Variants in THSD7A observed in about 807,000 individuals in gnomAD.
THSD7A encodes the protein thrombospondin type-1 domain-containing protein 7A.
A neutral mutation model predicts 231.3 loss-of-function variants in THSD7A; 96 were observed. That is an observed-to-expected ratio of 0.41 (90% CI 0.35 to 0.49). The LOEUF (loss-of-function observed/expected upper bound fraction) is 0.49, where lower values mean the gene tolerates loss of function less well. Among genes scored for constraint, THSD7A ranks in the 20% least tolerant of loss-of-function variants. The pLI is 0.05. For synonymous variants in THSD7A, 940 were observed against 743.3 expected (o/e 1.26, Z -4.30); for missense variants, 2,290 against 2,070.2 (o/e 1.11, Z -2.06).
intron 1 of THSD7A, among the ~76,000 whole-genome samples, chr7:11,661,783 T>G (rs952266832): frequency 2.6e-5 from 4 of 151,266 alleles, no homozygotes; most frequent in African/African-American, 9.7e-5. Context: ...CAGTGAATAT[T>G]GAATGCATAA....
At chr7:11,648,523 T>TA (rs1161519306) in intron 1 of THSD7A, among the ~76,000 whole-genome samples, 5 of 151,960 alleles carry the variant, frequency 3.3e-5, no homozygotes, top group Non-Finnish European at 7.4e-5. Flanking sequence ...CCAAATACTT[T>TA]ATTTGGTGGG....
chr7:11,407,202 A>G (rs1783614964), intron 20 of THSD7A, 104 bp downstream of exon 20: 3 of 1,440,638 alleles, frequency 2.1e-6, no homozygotes, highest in Admixed American at 4.1e-5. Context: ...AAGACAACCA[A>G]TCCAACCTTT....
chr7:11,395,236 A>C (rs1053718778), intron 23 of THSD7A, among the ~76,000 whole-genome samples: 99 of 152,262 alleles, frequency 6.5e-4, no homozygotes, highest in African/African-American at 2.2e-3. Flanking sequence ...AGAGCATTAC[A>C]TATGGTAAAG....
At position 11,460,705 on chromosome 7, in the gene THSD7A, G is replaced by C; in HGVS notation, c.2562C>G (p.Ser854Arg). 4 of 1,612,206 alleles carry C rather than the reference G, an allele frequency of 2.5e-6. No homozygotes were observed. The South Asian group carries it at 4.4e-5, about 18-fold the overall frequency. The change falls in exon 11 of 28, where the codon AGC becomes AGG. Residue 854 changes from serine (S) to arginine (R), a missense_variant. Physicochemically the swap from Ser to Arg is moderately radical, Grantham distance 110 (BLOSUM62 -1). Transcript: ENST00000423059. ...QLVPWSVQQD[S>R]PGAQEGCGPG... is the part of the protein sequence containing the mutation. ...GCCCACAGCCTTCCTGTGCTCCAGG[G>C]CTGTCTTGTTGCACGCTCCAAGGGA...
At chr7:11,520,083 C>T (rs1327632659) in intron 6 of THSD7A, 1 of 152,140 alleles carries the variant, frequency 6.6e-6, no homozygotes, top group Non-Finnish European at 1.5e-5. Flanking sequence ...CCGAATTAAT[C>T]TGCACCCTCT....
At chr7:11,707,123 T>C (rs1436233147) in intron 1 of THSD7A, among the ~76,000 whole-genome samples, 1 of 150,788 alleles carries the variant, frequency 6.6e-6, no homozygotes, top group African/African-American at 2.4e-5. Flanking sequence ...GAAAATGAGA[T>C]ATTCCTTTCT....
chr7:11,440,776 C>G (rs532004574), intron 13 of THSD7A, among the ~76,000 whole-genome samples: 31 of 152,012 alleles, frequency 2.0e-4, no homozygotes, highest in Non-Finnish European at 4.1e-4. Context: ...ATGGAATCTG[C>G]TCCGGGTGAA....
chr7:11,479,156 A>G (rs1241763032), intron 7 of THSD7A, among the ~76,000 whole-genome samples: 1 of 152,190 alleles, frequency 6.6e-6, no homozygotes, highest in East Asian at 1.9e-4. Flanking sequence ...ATGAGGAAGA[A>G]GTAAATAAAG....
intron 2 of THSD7A, among the ~76,000 whole-genome samples, chr7:11,626,134 T>G (rs139043183): frequency 6.6e-6 from 1 of 152,230 alleles, no homozygotes; most frequent in Non-Finnish European, 1.5e-5. Context: ...CATCAAAGGT[T>G]TAAAATACTA....
At chr7:11,649,003 CT>C (rs1402479436) in intron 1 of THSD7A, among the ~76,000 whole-genome samples, 2 of 151,892 alleles carry the variant, frequency 1.3e-5, no homozygotes, top group Non-Finnish European at 2.9e-5. Flanking sequence ...CTGTTCATGC[CT>C]TTTTATAGTG....
At chr7:11,742,427 T>A (rs192253739) in intron 1 of THSD7A, among the ~76,000 whole-genome samples, 1 of 151,882 alleles carries the variant, frequency 6.6e-6, no homozygotes, top group Admixed American at 6.6e-5. Flanking sequence ...AACTTGACAA[T>A]AAAGTGATTT....
intron 2 of THSD7A, among the ~76,000 whole-genome samples, chr7:11,631,076 C>T (rs925225897): frequency 1.3e-5 from 2 of 152,190 alleles, no homozygotes; most frequent in African/African-American, 4.8e-5. Context: ...GGAACTGGCT[C>T]TTAAGGGACC....
chr7:11,514,168 A>C (rs1787932676), intron 6 of THSD7A, among the ~76,000 whole-genome samples: 1 of 151,934 alleles, frequency 6.6e-6, no homozygotes, highest in Non-Finnish European at 1.5e-5. Flanking sequence ...CTCAAAATAA[A>C]ATAATACACT....
At chr7:11,664,193 G>A (rs1346815293) in intron 1 of THSD7A, among the ~76,000 whole-genome samples, 1 of 151,342 alleles carries the variant, frequency 6.6e-6, no homozygotes, top group Non-Finnish European at 1.5e-5. Context: ...ATTTCAGGAA[G>A]ACCAAGAAAT....
At chr7:11,788,054 C>CT (rs1443895302) in intron 1 of THSD7A, among the ~76,000 whole-genome samples, 2 of 152,002 alleles carry the variant, frequency 1.3e-5, no homozygotes, top group African/African-American at 2.4e-5. Context: ...CAAGGTTGGT[C>CT]TTTTTTGTGT....
chr7:11,711,002 T>G (rs1780942173), intron 1 of THSD7A, among the ~76,000 whole-genome samples: 1 of 150,990 alleles, frequency 6.6e-6, no homozygotes, highest in African/African-American at 2.4e-5. Context: ...AAATAATGTG[T>G]CTATTAAATA....
intron 1 of THSD7A, among the ~76,000 whole-genome samples, chr7:11,656,164 T>G (rs762932353): frequency 6.6e-6 from 1 of 151,868 alleles, no homozygotes; most frequent in Non-Finnish European, 1.5e-5. Flanking sequence ...AAATGCCCAT[T>G]ATATGTTTTT....
intron 1 of THSD7A, chr7:11,821,357 G>T: frequency 3.1e-6 from 2 of 637,014 alleles, no homozygotes; most frequent in Non-Finnish European, 5.9e-6. Context: ...GGACTAATTT[G>T]ATGACTTTTT....
At chr7:11,779,354 A>G (rs1783549218) in intron 1 of THSD7A, among the ~76,000 whole-genome samples, 1 of 152,132 alleles carries the variant, frequency 6.6e-6, no homozygotes, top group African/African-American at 2.4e-5. Context: ...ATTAGAAGTT[A>G]ATTCCCAAAC....
Sources: gnomAD v4.1 joint callset for allele counts (sites outside exome capture counted in the v4.1 genomes callset) on GRCh38, gnomAD v4.1.1 for gene constraint, MANE v1.5 for transcripts, NCBI Gene and HGNC (gene_info 2026-07-23, HGNC 2026-07-21) for gene names.